Variants in CTBP2 observed in about 807,000 individuals in gnomAD.
The protein encoded by CTBP2 is C-terminal-binding protein 2.
Under a neutral mutation model 80.3 loss-of-function variants are expected in CTBP2, and 30 were observed. That is an observed-to-expected ratio of 0.37 (90% CI 0.28 to 0.51). The LOEUF is 0.51. Among genes scored for constraint, CTBP2 ranks in the 20% least tolerant of loss-of-function variants. CTBP2 has a pLI of 0.93. For missense variants in CTBP2, 1,212 were observed against 1,375.3 expected (o/e 0.88, Z 1.88); for synonymous variants, 594 against 587.4 (o/e 1.01, Z -0.16).
At chr10:125,015,472 G>A (rs992968330) in intron 1 of CTBP2, among the ~76,000 whole-genome samples, 9 of 152,226 alleles carry the variant, frequency 5.9e-5, no homozygotes, top group African/African-American at 2.2e-4. Context: ...CCCTGGTGTG[G>A]CCTGGCCATC....
chr10:125,103,221 C>A (rs942549339), intron 2 of CTBP2, among the ~76,000 whole-genome samples: 2 of 152,150 alleles, frequency 1.3e-5, no homozygotes, highest in Admixed American at 6.5e-5. Flanking sequence ...TGCTGCGATG[C>A]GCTCCTACAT....
chr10:125,010,219 T>TTAAA (rs552007928), intron 1 of CTBP2, among the ~76,000 whole-genome samples: 60 of 105,994 alleles, frequency 5.7e-4, no homozygotes, highest in African/African-American at 2.1e-3. Flanking sequence ...ATTTTAAGGT[T>TTAAA]AAAAAAAAAA....
intron 3 of CTBP2, among the ~76,000 whole-genome samples, chr10:125,038,282 G>A (rs1457221104): frequency 6.6e-6 from 1 of 152,060 alleles, no homozygotes; most frequent in Non-Finnish European, 1.5e-5. Flanking sequence ...AGGGGGCTGC[G>A]GAGCCATCTT....
chr10:125,089,197 CAAT>C (rs1848424092), intron 2 of CTBP2, among the ~76,000 whole-genome samples: 1 of 152,146 alleles, frequency 6.6e-6, no homozygotes. Flanking sequence ...GTGCTCTCGA[CAAT>C]AAATTTTAGG....
chr10:125,155,472 C>T (rs1286268931), intron 1 of CTBP2, among the ~76,000 whole-genome samples: 1 of 151,920 alleles, frequency 6.6e-6, no homozygotes, highest in Non-Finnish European at 1.5e-5. Context: ...CAAGTGCAGC[C>T]ATAATTTAGG....
At chr10:125,074,630 C>A (rs1590569904) in intron 2 of CTBP2, among the ~76,000 whole-genome samples, 1 of 152,230 alleles carries the variant, frequency 6.6e-6, no homozygotes, top group Non-Finnish European at 1.5e-5. Context: ...CAGGCATGAG[C>A]CACAGTGCCT....
chr10:125,129,069 CATAAT>C (rs1431580031), intron 1 of CTBP2, among the ~76,000 whole-genome samples: 2 of 152,170 alleles, frequency 1.3e-5, no homozygotes, highest in African/African-American at 4.8e-5. Context: ...GTACATGTGT[CATAAT>C]ATACATACAT....
At chr10:125,065,496 G>C (rs1844484650) in intron 2 of CTBP2, among the ~76,000 whole-genome samples, 1 of 152,176 alleles carries the variant, frequency 6.6e-6, no homozygotes, top group Non-Finnish European at 1.5e-5. Flanking sequence ...GTGGCGAAGG[G>C]AAGAGGCAGG....
At chr10:125,011,536 G>T (rs1443339947) in intron 1 of CTBP2, among the ~76,000 whole-genome samples, 1 of 152,190 alleles carries the variant, frequency 6.6e-6, no homozygotes, top group Non-Finnish European at 1.5e-5. Context: ...AGCATGTGTG[G>T]TATCTTCCAG....
At chr10:125,106,594 C>T (rs1851496313) in intron 2 of CTBP2, among the ~76,000 whole-genome samples, 1 of 152,214 alleles carries the variant, frequency 6.6e-6, no homozygotes, top group Non-Finnish European at 1.5e-5. Context: ...CATAACGTCA[C>T]TCAGTGGCAA....
chr10:125,098,657 G>GGGGAGAGAGAGAGAGAGAGAGAGAGAGA (rs1849951176), intron 2 of CTBP2, among the ~76,000 whole-genome samples: 1 of 44,968 alleles, frequency 2.2e-5, no homozygotes, highest in African/African-American at 9.7e-5. Context: ...TGGGGGAGGG[G>GGGGAGAGAGAGAGAGAGAGAGAGAGAGA]GAGAGAGAGA....
intron 1 of CTBP2, among the ~76,000 whole-genome samples, chr10:125,131,237 C>T (rs1856129453): frequency 6.6e-6 from 1 of 152,162 alleles, no homozygotes; most frequent in African/African-American, 2.4e-5. Context: ...ACTCACATTC[C>T]CAGAAGCAGA....
chr10:125,038,969 T>A, intron 3 of CTBP2, 28 bp downstream of exon 3: 1 of 1,610,786 alleles, frequency 6.2e-7, no homozygotes, highest in Non-Finnish European at 8.5e-7. Flanking sequence ...TACGTATGTT[T>A]GGTAAAAACC....
In CTBP2 at chr10:125,027,455, C is replaced by T. The variant is rs771000421; in HGVS notation, c.305G>A (p.Arg102His). Residue 102 changes from arginine (R) to histidine (H), a missense_variant, in exon 1 of 9, where the codon CGC becomes CAC. Coordinates refer to ENST00000309035, the MANE Select transcript of CTBP2 (RefSeq NM_022802.3). ...GTACTCCCGTGGCAGCAGGGGGCTG[C>T]GACCAGACATCACTGCCTGTCTGCT... 58 of 1,614,026 alleles carry T rather than the reference C, an allele frequency of 3.6e-5. No individual in the cohort carries two copies. Among genetic ancestry groups the T allele is most frequent in the Admixed American group, 1.5e-4 (9 of 60,002 alleles).
At chr10:125,067,681 C>T (rs1319013023) in intron 2 of CTBP2, among the ~76,000 whole-genome samples, 1 of 152,176 alleles carries the variant, frequency 6.6e-6, no homozygotes, top group African/African-American at 2.4e-5. Flanking sequence ...TAATGGCACG[C>T]ATAACCCTCA....
intron 2 of CTBP2, among the ~76,000 whole-genome samples, chr10:125,102,201 T>A (rs1313924667): frequency 6.6e-6 from 1 of 152,188 alleles, no homozygotes; most frequent in Non-Finnish European, 1.5e-5. Context: ...GTCAACACCA[T>A]CAGAGGAGGA....
chr10:125,002,882 C>T (rs1954720620), intron 3 of CTBP2, 78 bp downstream of exon 5: 1 of 1,559,044 alleles, frequency 6.4e-7, no homozygotes, highest in African/African-American at 1.4e-5. Context: ...CCAGTTCCAG[C>T]TGCTTCTCCA....
At chr10:125,098,708 C>CAGAGAGAGAGAGAGAGAG (rs1850045599) in intron 2 of CTBP2, among the ~76,000 whole-genome samples, 1 of 65,698 alleles carries the variant, frequency 1.5e-5, no homozygotes. Flanking sequence ...GAGAGAGAGA[C>CAGAGAGAGAGAGAGAGAG]AGAGAGAGAG....
chr10:125,103,688 C>T (rs969220408), intron 2 of CTBP2, among the ~76,000 whole-genome samples: 1 of 152,146 alleles, frequency 6.6e-6, no homozygotes, highest in African/African-American at 2.4e-5. Flanking sequence ...GACGCAGGCC[C>T]CATCCATGCC....
Sources: allele counts gnomAD v4.1 joint callset (sites outside exome capture counted in the v4.1 genomes callset), GRCh38; gene constraint gnomAD v4.1.1; transcripts MANE v1.5; gene names NCBI Gene and HGNC (gene_info 2026-07-23, HGNC 2026-07-21).